INSL6: variants seen among roughly 807,000 people sequenced by gnomAD.
INSL6 encodes insulin like 6.
Under a neutral mutation model 9.4 loss-of-function variants are expected in INSL6, and 16 were observed. The ratio of observed to expected loss-of-function variants is 1.70; its 90% CI spans 1.15 to 2.59. The LOEUF (loss-of-function observed/expected upper bound fraction) is 2.59, where lower values mean the gene tolerates loss of function less well. INSL6 is among the 30% of genes most tolerant of loss of function. INSL6 has a pLI of 0.00. For missense variants in INSL6, 391 were observed against 257.3 expected (o/e 1.52, Z -3.56); for synonymous variants, 154 against 96.9 (o/e 1.59, Z -3.46).
the INSL6 span, among the ~76,000 whole-genome samples, chr9:4,998,777 G>C: frequency 6.6e-6 from 1 of 151,440 alleles, no homozygotes; most frequent in Admixed American, 6.6e-5. Context: ...AACCAGAAAA[G>C]GGATACATTT....
At chr9:5,111,881 G>C in the INSL6 span, 1 of 373,554 alleles carries the variant, frequency 2.7e-6, no homozygotes, top group African/African-American at 2.2e-5. Context: ...ACCACAGCCA[G>C]CAGCTCTGGG....
rs770774659 is a variant in INSL6 at position 5,163,909 on chromosome 9, A to G, written c.*4T>C. ...TTATTAGGTTAGAAAAAATTCTAAG[A>G]TGGTTAGTATATCTTAGTTACAAGT... On this transcript the variant is annotated 3_prime_UTR_variant, in exon 2 of 2. Coordinates refer to ENST00000381641, the MANE Select transcript of INSL6 (RefSeq NM_007179.3). 1 of 1,557,842 alleles carries G rather than the reference A, an allele frequency of 6.4e-7. No homozygotes were observed. Among genetic ancestry groups the G allele is most frequent in the East Asian group, 2.2e-5 (1 of 44,574 alleles).
intron 2 of INSL6, among the ~76,000 whole-genome samples, chr9:5,149,412 T>C (rs1245999172): frequency 3.3e-5 from 5 of 152,188 alleles, no homozygotes; most frequent in African/African-American, 1.2e-4. Context: ...CTTACCTTCC[T>C]ACCCACCATG....
chr9:5,095,002 A>G, the INSL6 span: 1 of 152,168 alleles, frequency 6.6e-6, no homozygotes. Flanking sequence ...AATTTCCAGC[A>G]TTCCACCCCA....
chr9:5,130,754 A>G (rs185191944), intron 3 of INSL6, among the ~76,000 whole-genome samples: 1 of 147,580 alleles, frequency 6.8e-6, no homozygotes, highest in African/African-American at 2.5e-5. Flanking sequence ...TTTGAGACGG[A>G]GTCTCGCTCT....
chr9:5,044,041 A>C, the INSL6 span, among the ~76,000 whole-genome samples: 2 of 152,230 alleles, frequency 1.3e-5, no homozygotes, highest in Non-Finnish European at 2.9e-5. Context: ...CATTTCTCCA[A>C]ATAAGCAATT....
intron 1 of INSL6, among the ~76,000 whole-genome samples, chr9:5,174,729 T>C (rs909362785): frequency 6.6e-6 from 1 of 152,230 alleles, no homozygotes; most frequent in African/African-American, 2.4e-5. Flanking sequence ...CAGATTTATA[T>C]ACCTTACTTC....
At position 5,185,592 on chromosome 9, in the gene INSL6, A is replaced by T. The variant is rs752714146; in HGVS notation, c.11T>A (p.Leu4His). Residue 4 changes from leucine (L) to histidine (H), a missense_variant, in exon 1 of 2, where the codon CTC (leucine) becomes CAC (histidine). Coordinates refer to ENST00000381641, the MANE Select transcript of INSL6 (RefSeq NM_007179.3). Reference sequence around the variant, plus strand: ...AAGCCACAGCAGGGACAAGCGGAGGAGCCGCGGCATCCCTGTGACCCCAGG... The same window carrying T: ...AAGCCACAGCAGGGACAAGCGGAGGTGCCGCGGCATCCCTGTGACCCCAGG... MPR[L>H]LRLSLLWLGL... The T allele has an allele frequency of 1.2e-6, 2 of 1,612,538 alleles. No individual in the cohort carries two copies. Among genetic ancestry groups the T allele is most frequent in the African/African-American group, 2.7e-5 (2 of 75,030 alleles).
the INSL6 span, among the ~76,000 whole-genome samples, chr9:5,039,629 G>A: frequency 6.6e-6 from 1 of 151,996 alleles, no homozygotes; most frequent in Non-Finnish European, 1.5e-5. Context: ...TAATAAATGA[G>A]CTCAGGTCAG....
chr9:5,119,587 A>G (rs1321890722), downstream of INSL6, among the ~76,000 whole-genome samples: 1 of 152,176 alleles, frequency 6.6e-6, no homozygotes, highest in Non-Finnish European at 1.5e-5. Flanking sequence ...CTCATTACTT[A>G]ATTTGCAATA....
the INSL6 span, chr9:5,113,914 C>G: frequency 4.3e-6 from 1 of 233,898 alleles, no homozygotes; most frequent in African/African-American, 2.3e-5. Context: ...TGGCAGTGGA[C>G]ACTTACCCCC....
intron 2 of INSL6, among the ~76,000 whole-genome samples, chr9:5,153,984 T>C (rs936578039): frequency 2.0e-5 from 3 of 152,210 alleles, no homozygotes; most frequent in Non-Finnish European, 2.9e-5. Flanking sequence ...TTAAATCTCA[T>C]GTGGAACCAA....
At chr9:5,068,733 C>T in the INSL6 span, among the ~76,000 whole-genome samples, 1 of 152,178 alleles carries the variant, frequency 6.6e-6, no homozygotes, top group Non-Finnish European at 1.5e-5. Flanking sequence ...TAGGCTTTAT[C>T]TTATAAATGA....
At chr9:5,006,200 G>A in the INSL6 span, among the ~76,000 whole-genome samples, 11 of 152,148 alleles carry the variant, frequency 7.2e-5, no homozygotes, top group East Asian at 1.4e-3. Context: ...TCCTTGAAGA[G>A]GTCCTTCACA....
the INSL6 span, among the ~76,000 whole-genome samples, chr9:5,059,014 G>A: frequency 9.2e-5 from 14 of 152,010 alleles, no homozygotes; most frequent in East Asian, 1.7e-3. Flanking sequence ...CCTTTGATGC[G>A]CAGATGTTTT....
chr9:5,050,447 T>A, the INSL6 span, among the ~76,000 whole-genome samples: 2 of 152,146 alleles, frequency 1.3e-5, no homozygotes, highest in African/African-American at 4.8e-5. Context: ...ATTTTTAAAT[T>A]TTTTGTGGAG....
chr9:5,028,212 G>A, the INSL6 span, among the ~76,000 whole-genome samples: 1 of 152,186 alleles, frequency 6.6e-6, no homozygotes, highest in Admixed American at 6.5e-5. Flanking sequence ...TAGCAGGCAT[G>A]AAAACAACAT....
At chr9:5,036,913 G>T in the INSL6 span, among the ~76,000 whole-genome samples, 1 of 152,192 alleles carries the variant, frequency 6.6e-6, no homozygotes, top group East Asian at 1.9e-4. Context: ...ACTACCATCA[G>T]AGTGAACAGG....
At chr9:5,093,940 C>T in the INSL6 span, among the ~76,000 whole-genome samples, 4 of 152,194 alleles carry the variant, frequency 2.6e-5, no homozygotes, top group South Asian at 4.1e-4. Context: ...AAGAGAAATA[C>T]GGCCCACTTC....
Sources: gnomAD v4.1 joint callset for allele counts (sites outside exome capture counted in the v4.1 genomes callset) on GRCh38, gnomAD v4.1.1 for gene constraint, MANE v1.5 for transcripts, NCBI Gene and HGNC (gene_info 2026-07-23, HGNC 2026-07-21) for gene names.